LYPLAL1: variants seen among roughly 807,000 people sequenced by gnomAD.
The protein encoded by LYPLAL1 is lysophospholipase like 1, also known as lysophospholipase-like protein 1.
In LYPLAL1, 23 loss-of-function variants were observed where a neutral mutation model predicts 19.7. The observed-to-expected ratio is 1.17, with a 90% CI of 0.84 to 1.65. The LOEUF is 1.65. Ranked by LOEUF, LYPLAL1 falls within the 40% of genes most tolerant of loss-of-function variation. The pLI is 0.00. For missense variants in LYPLAL1, 355 were observed against 279.4 expected (o/e 1.27, Z -1.93); for synonymous variants, 119 against 96.3 (o/e 1.24, Z -1.38).
At chr1:219,407,223 A>T in the LYPLAL1 span, among the ~76,000 whole-genome samples, 1 of 152,332 alleles carries the variant, frequency 6.6e-6, no homozygotes, top group African/African-American at 2.4e-5. Flanking sequence ...AAACAAAAAA[A>T]ATGATTAGAT....
At chr1:219,250,196 A>G in the LYPLAL1 span, among the ~76,000 whole-genome samples, 114 of 152,052 alleles carry the variant, frequency 7.5e-4, no homozygotes, top group African/African-American at 2.7e-3. Context: ...ATTTTTGTAT[A>G]TGGTATAGAA....
In LYPLAL1 at chr1:219,209,473, C is replaced by T. The variant is rs77889641; in HGVS notation, c.362-1059C>T. Among the ~76,000 whole-genome samples the T allele has an allele frequency of 0.018, 2,754 of 152,112 alleles. 160 individuals are homozygous for T. In the East Asian group the frequency reaches 0.2, roughly 11 times the overall value. Reference sequence around the variant, plus strand: ...ATAATATGTACCTAATCTTGGGCCTCAGTTCCCTCCATGTATAAAAGATTA... The same window carrying T: ...ATAATATGTACCTAATCTTGGGCCTTAGTTCCCTCCATGTATAAAAGATTA... On this transcript the variant is annotated intron_variant, in intron 3 of 4. Coordinates refer to ENST00000366928, the MANE Select transcript of LYPLAL1 (RefSeq NM_138794.5).
the LYPLAL1 span, among the ~76,000 whole-genome samples, chr1:219,343,225 G>A: frequency 6.6e-6 from 1 of 152,170 alleles, no homozygotes; most frequent in Admixed American, 6.5e-5. Flanking sequence ...AAAATGATGA[G>A]CTAAAATTAT....
chr1:219,416,812 C>T, the LYPLAL1 span, among the ~76,000 whole-genome samples: 2 of 152,182 alleles, frequency 1.3e-5, no homozygotes, highest in African/African-American at 4.8e-5. Context: ...TTGTCGCCAT[C>T]TGCTGGTTGC....
the LYPLAL1 span, among the ~76,000 whole-genome samples, chr1:219,438,953 A>G: frequency 1.3e-5 from 2 of 152,182 alleles, no homozygotes; most frequent in Non-Finnish European, 2.9e-5. Flanking sequence ...TGATAACCCT[A>G]TTAAATCTTT....
chr1:219,385,253 C>T, the LYPLAL1 span, among the ~76,000 whole-genome samples: 1 of 152,116 alleles, frequency 6.6e-6, no homozygotes, highest in African/African-American at 2.4e-5. Context: ...CCAGGAATAC[C>T]ATGGCATGAT....
chr1:219,256,484 CTCTT>C, the LYPLAL1 span, among the ~76,000 whole-genome samples: 2 of 151,326 alleles, frequency 1.3e-5, no homozygotes, highest in Non-Finnish European at 3.0e-5. Context: ...TTCTCTCTCT[CTCTT>C]TCTTTCTTTC....
chr1:219,178,728 A>G (rs1274193554), intron 1 of LYPLAL1, among the ~76,000 whole-genome samples: 1 of 152,156 alleles, frequency 6.6e-6, no homozygotes, highest in African/African-American at 2.4e-5. Context: ...GGTTCTTCTA[A>G]CTACAGAAGT....
At chr1:219,379,439 T>C in the LYPLAL1 span, among the ~76,000 whole-genome samples, 1 of 152,226 alleles carries the variant, frequency 6.6e-6, no homozygotes. Context: ...AATCACTTTT[T>C]GGCAAGACTT....
chr1:219,306,793 G>C, the LYPLAL1 span, among the ~76,000 whole-genome samples: 8 of 142,882 alleles, frequency 5.6e-5, no homozygotes, highest in South Asian at 2.2e-4. Context: ...TAGATACATA[G>C]ACAGATGCAT....
At chr1:219,312,691 C>T in the LYPLAL1 span, among the ~76,000 whole-genome samples, 9 of 152,174 alleles carry the variant, frequency 5.9e-5, no homozygotes, top group Admixed American at 3.9e-4. Context: ...TCTGTTTTTT[C>T]AGTGCTCCTC....
At chr1:219,215,237 A>G (rs1659247896), downstream of LYPLAL1, among the ~76,000 whole-genome samples, 1 of 152,168 alleles carries the variant, frequency 6.6e-6, no homozygotes, top group Non-Finnish European at 1.5e-5. Context: ...CACTGAGTGT[A>G]GAATTCCAGA....
chr1:219,407,539 G>A, the LYPLAL1 span, among the ~76,000 whole-genome samples: 81 of 152,286 alleles, frequency 5.3e-4, no homozygotes, highest in African/African-American at 1.9e-3. Flanking sequence ...GAGCATCAAT[G>A]TATGTTACTG....
chr1:219,443,549 T>TGG, the LYPLAL1 span, among the ~76,000 whole-genome samples: 1 of 152,178 alleles, frequency 6.6e-6, no homozygotes, highest in Non-Finnish European at 1.5e-5. Flanking sequence ...AGTAAGTCCT[T>TGG]ACTTATCTTG....
the LYPLAL1 span, among the ~76,000 whole-genome samples, chr1:219,338,189 T>A: frequency 6.6e-6 from 1 of 151,972 alleles, no homozygotes. Flanking sequence ...GGGAGAAACA[T>A]TTAATCCAAT....
At chr1:219,263,257 T>C in the LYPLAL1 span, among the ~76,000 whole-genome samples, 1 of 152,092 alleles carries the variant, frequency 6.6e-6, no homozygotes, top group East Asian at 1.9e-4. Flanking sequence ...TCATTGTATA[T>C]GTCACCAGGG....
the LYPLAL1 span, among the ~76,000 whole-genome samples, chr1:219,312,888 C>A: frequency 1.3e-5 from 2 of 152,150 alleles, no homozygotes; most frequent in African/African-American, 2.4e-5. Context: ...AACCAGAAGT[C>A]TTATCACTGT....
At chr1:219,386,182 C>T in the LYPLAL1 span, among the ~76,000 whole-genome samples, 2 of 152,170 alleles carry the variant, frequency 1.3e-5, no homozygotes, top group Non-Finnish European at 2.9e-5. Context: ...CTGCCAGTTG[C>T]CATTTAACAT....
the LYPLAL1 span, among the ~76,000 whole-genome samples, chr1:219,293,114 C>A: frequency 6.6e-6 from 1 of 152,138 alleles, no homozygotes; most frequent in African/African-American, 2.4e-5. Context: ...CAAAATCAGT[C>A]TCCGAGTTTA....
Sources: gnomAD v4.1 joint callset for allele counts (sites outside exome capture counted in the v4.1 genomes callset) on GRCh38, gnomAD v4.1.1 for gene constraint, MANE v1.5 for transcripts, NCBI Gene and HGNC (gene_info 2026-07-23, HGNC 2026-07-21) for gene names.